MEIS1: variants seen among roughly 807,000 people sequenced by gnomAD.
The protein encoded by MEIS1 is homeobox protein Meis1.
Under a neutral mutation model 50.8 loss-of-function variants are expected in MEIS1, and 5 were observed. The ratio of observed to expected loss-of-function variants is 0.10; its 90% confidence interval spans 0.05 to 0.21. MEIS1 has a LOEUF of 0.21. Among genes scored for constraint, MEIS1 ranks in the 10% least tolerant of loss-of-function variants. The pLI is 1.00. For synonymous variants in MEIS1, 176 were observed against 179.3 expected (o/e 0.98, Z 0.15); for missense variants, 318 against 517.3 (o/e 0.61, Z 3.74).
chr2:66,554,828 T>C (rs1316554954), intron 9 of MEIS1, among the ~76,000 whole-genome samples: 1 of 152,186 alleles, frequency 6.6e-6, no homozygotes, highest in African/African-American at 2.4e-5. Context: ...AAAGTTGTAG[T>C]TGTAACTTTC....
chr2:66,562,249 G>C (rs1028001420), intron 9 of MEIS1: 1 of 151,246 alleles, frequency 6.6e-6, no homozygotes, highest in Middle Eastern at 3.2e-3. Context: ...ATTCAGTTTT[G>C]GGGGAAGAGA....
Sources: gnomAD v4.1 joint callset for allele counts (sites outside exome capture counted in the v4.1 genomes callset) on GRCh38, gnomAD v4.1.1 for gene constraint, MANE v1.5 for transcripts, NCBI Gene and HGNC (gene_info 2026-07-23, HGNC 2026-07-21) for gene names.